The following GAS6 variants were observed in gnomAD, a reference collection of about 807,000 sequenced individuals.
The protein encoded by GAS6 is growth arrest-specific protein 6.
A neutral mutation model predicts 75.8 loss-of-function variants in GAS6; 41 were observed. The observed-to-expected ratio is 0.54, with a 90% CI of 0.42 to 0.70. The LOEUF (loss-of-function observed/expected upper bound fraction) is 0.70. GAS6 is among the 30% of genes least tolerant of loss of function. GAS6 has a pLI of 0.00. For synonymous variants in GAS6, 432 were observed against 412.6 expected (o/e 1.05, Z -0.57); for missense variants, 854 against 940.2 (o/e 0.91, Z 1.20).
rs1175036736 is a variant in GAS6 at position 113,822,123 on chromosome 13, G to C, written c.1717C>G (p.Gln573Glu). ...ALMEIKVCDG[Q>E]EHVVTVSLRD... Reference sequence around the variant, plus strand: ...AGCGAGACGGTGACCACGTGCTCTTGGCCGTCGCAGACCTTGATCTCCATT... The same window carrying C: ...AGCGAGACGGTGACCACGTGCTCTTCGCCGTCGCAGACCTTGATCTCCATT... Residue 573 changes from glutamine (Q) to glutamate (E), a missense_variant, in exon 14 of 15, where the codon CAA (glutamine) becomes GAA (glutamate). Gln to Glu is a conservative substitution (Grantham distance 29, BLOSUM62 2). Transcript: ENST00000327773. 6.2e-7 allele frequency: 1 copy of C among 1,600,694 alleles called. No individual in the cohort carries two copies. Among genetic ancestry groups the C allele is most frequent in the South Asian group, 1.1e-5 (1 of 88,128 alleles).
chr13:113,822,083 G>T lies in GAS6; in HGVS notation c.1757C>A (p.Ala586Asp). 1 of 1,595,684 alleles carries T rather than the reference G, an allele frequency of 6.3e-7. No individual in the cohort carries two copies. Among genetic ancestry groups the T allele is most frequent in the Non-Finnish European group, 8.5e-7 (1 of 1,173,146 alleles). Residue 586 changes from alanine to aspartate, a missense_variant, in exon 14 of 15, where the codon GCC (alanine) becomes GAC (aspartate). Coordinates refer to ENST00000327773, the MANE Select transcript of GAS6 (RefSeq NM_000820.4). ...CCTGGTGCCGTCCACCTCCAGGGTG[G>T]CCTCACCGTCCCTCAGCGAGACGGT... ...VVTVSLRDGE[A>D]TLEVDGTRGQ...
At chr13:113,842,221 CCA>C (rs2051793535) in intron 4 of GAS6, 1 of 158,092 alleles carries the variant, frequency 6.3e-6, no homozygotes, top group South Asian at 2.2e-4. Flanking sequence ...TCAGTACACC[CCA>C]CAGTTTCCTC....
chr13:113,833,126 A>G, intron 8 of GAS6: 2 of 1,167,902 alleles, frequency 1.7e-6, no homozygotes, highest in Non-Finnish European at 2.1e-6. Context: ...GCTGTCCTGG[A>G]AAGTTCCCTG....
chr13:113,827,401 T>C (rs944575692), intron 11 of GAS6, among the ~76,000 whole-genome samples: 1 of 152,192 alleles, frequency 6.6e-6, no homozygotes, highest in Non-Finnish European at 1.5e-5. Context: ...ATTTTAAAGC[T>C]AGGAAAGGAC....
At chr13:113,821,772 T>C in intron 14 of GAS6, 186 bp downstream of exon 14, 1 of 573,086 alleles carries the variant, frequency 1.7e-6, no homozygotes, top group Non-Finnish European at 3.1e-6. Context: ...GCCAATGACC[T>C]GACCAGCACC....
rs563946364 is a variant in GAS6, at chr13:113,827,247, G to A, written c.1309-83C>T. The A allele has an allele frequency of 3.7e-4, 529 of 1,427,430 alleles. 6 individuals carry two copies. The South Asian group carries it at 6.1e-3, about 16-fold the overall frequency. 88.4% of individuals were successfully genotyped at this position (1,427,430 alleles called of 1,614,324 possible). A position where few individuals can be genotyped will look rare whatever the true frequency, so the allele number is the denominator to read the frequency against. On this transcript the variant is annotated intron_variant, in intron 11 of 14. Transcript: ENST00000327773. ...GCCCCAGTCGGTGGGTGGCGCCTTC[G>A]CGGCCCTGGTATGTGCAGCTCTACG... is the stretch of plus-strand genomic sequence containing the variant.
In GAS6 at chr13:113,828,082, C is replaced by T. The variant is rs183152754; in HGVS notation, c.1308+465G>A. On this transcript the variant is annotated intron_variant, in intron 11 of 14. Transcript: ENST00000327773. ...CGAGGTCAGAAGATCGAGACCACGG[C>T]GAAACCCCGTCTCTACTAAAAATAC... 9.3e-4 allele frequency among the ~76,000 whole-genome samples: 142 copies of T among 152,112 alleles called. 1 individual carries two copies. In the East Asian group the frequency reaches 0.011, roughly 12 times the overall value.
At chr13:113,821,058 C>G (rs763197774) in intron 14 of GAS6, 40 bp from the exon 15 acceptor site, 6 of 1,594,998 alleles carry the variant, frequency 3.8e-6, no homozygotes, top group Admixed American at 1.7e-5. Context: ...TAGCTCACCA[C>G]GTGGCCGGCC....
Position 113,845,613 on chromosome 13 carries a change from A to G in GAS6, c.343+914T>C, listed in dbSNP as rs2051827565. On this transcript the variant is annotated intron_variant, in intron 4 of 14. Coordinates refer to ENST00000327773, the MANE Select transcript of GAS6 (RefSeq NM_000820.4). This position sits in a 1 kb window ranked among gnomAD's most constrained non-coding sequence, Gnocchi z 4.3. ...GTGGCAAGCTGAAAAAATTTTTGAT[A>G]ACTTTACTACCAATGGCTAATGTGC... is the stretch of plus-strand genomic sequence containing the variant. 1 of 141,058 alleles carries G rather than the reference A, an allele frequency of 7.1e-6. No homozygotes were observed. The highest frequency in any genetic ancestry group is 1.9e-4 in the East Asian group (1 of 5,202). 8.7% of individuals were successfully genotyped at this position (141,058 alleles called of 1,614,324 possible).
chr13:113,830,974 C>T (rs1191465176), intron 10 of GAS6, among the ~76,000 whole-genome samples: 1 of 152,238 alleles, frequency 6.6e-6, no homozygotes, highest in African/African-American at 2.4e-5. Context: ...AAAAATGGAG[C>T]GAGGCATTGC....
intron 4 of GAS6, chr13:113,840,677 G>A (rs2051765671): frequency 6.6e-6 from 1 of 152,302 alleles, no homozygotes; most frequent in African/African-American, 2.4e-5. Context: ...TTGGCAGAAA[G>A]AACGACAATT....
intron 2 of GAS6, among the ~76,000 whole-genome samples, chr13:113,858,349 ATGTC>A (rs1406933544): frequency 2.0e-5 from 3 of 151,922 alleles, no homozygotes; most frequent in Admixed American, 6.6e-5. Flanking sequence ...CTGTGTACGT[ATGTC>A]TATGTGAATG....
chr13:113,849,302 C>G (rs1296010646), intron 2 of GAS6, among the ~76,000 whole-genome samples: 3 of 152,158 alleles, frequency 2.0e-5, no homozygotes, highest in Non-Finnish European at 4.4e-5. Context: ...GAACACACAC[C>G]CTCATGCCTG....
chr13:113,849,550 G>A (rs2051858208), intron 2 of GAS6, among the ~76,000 whole-genome samples: 1 of 152,192 alleles, frequency 6.6e-6, no homozygotes, highest in Admixed American at 6.5e-5. Flanking sequence ...TTAGAAGCCA[G>A]GGATTGAAAA....
At chr13:113,821,614 G>T in intron 14 of GAS6, 1 of 325,460 alleles carries the variant, frequency 3.1e-6, no homozygotes, top group East Asian at 5.3e-5. Flanking sequence ...TGACAGCCGC[G>T]GGTCCCAACT....
In GAS6 at chr13:113,828,378, A is replaced by G. The variant is rs530022581; in HGVS notation, c.1308+169T>C. Among the ~76,000 whole-genome samples, 405 of 152,330 alleles carry G rather than the reference A, an allele frequency of 2.7e-3. 2 individuals carry two copies. Among genetic ancestry groups the G allele is most frequent in the African/African-American group, 9.4e-3 (391 of 41,580 alleles). On this transcript the variant is annotated intron_variant, in intron 11 of 14. Coordinates refer to ENST00000327773, the MANE Select transcript of GAS6 (RefSeq NM_000820.4). ...AAAAAGAGATGGTAAAATTAATGAC[A>G]TAGCTGTACGGCGACTTTGTCAAAC... is the stretch of plus-strand genomic sequence containing the variant.
chr13:113,826,281 G>T (rs1004799899), intron 12 of GAS6, among the ~76,000 whole-genome samples: 1 of 152,234 alleles, frequency 6.6e-6, no homozygotes, highest in Non-Finnish European at 1.5e-5. Flanking sequence ...TGACCACGGT[G>T]TCCACCATGT....
intron 13 of GAS6, chr13:113,822,702 T>TCA (rs35276541): frequency 0.53 from 81,730 of 154,104 alleles, 24,131 homozygotes; most frequent in African/African-American, 0.8. Context: ...ACCAAGCCTG[T>TCA]CTGTCGTATC....
chr13:113,846,806 G>A (rs1018239683), intron 3 of GAS6, among the ~76,000 whole-genome samples: 1 of 152,206 alleles, frequency 6.6e-6, no homozygotes, highest in Non-Finnish European at 1.5e-5. Context: ...GCGGAGTTGT[G>A]CACCCACAGT....
Sources: gnomAD v4.1 joint callset for allele counts (sites outside exome capture counted in the v4.1 genomes callset) on GRCh38, gnomAD v4.1.1 for gene constraint, Gnocchi (gnomAD v3.1) non-coding constraint, MANE v1.5 for transcripts, NCBI Gene and HGNC (gene_info 2026-07-23, HGNC 2026-07-21) for gene names.